Variants in HSD17B1 observed in about 807,000 individuals in gnomAD.
HSD17B1 encodes the protein 17-beta-hydroxysteroid dehydrogenase type 1.
Under a neutral mutation model 22.7 loss-of-function variants are expected in HSD17B1, and 16 were observed. The observed-to-expected ratio is 0.71, with a 90% CI of 0.48 to 1.07. The LOEUF is 1.07. Ranked by LOEUF, HSD17B1 falls within the 50% of genes least tolerant of loss-of-function variation. The pLI is 0.00. For missense variants in HSD17B1, 533 were observed against 459.9 expected (o/e 1.16, Z -1.45); for synonymous variants, 243 against 211.0 (o/e 1.15, Z -1.31).
At position 42,554,721 on chromosome 17, in the gene HSD17B1, C is replaced by T; in HGVS notation, c.770C>T (p.Thr257Ile). ...APKPTLRYFT[T>I]ERFLPLLRMR... ...AAGCCGACCCTGCGCTACTTCACCA[C>T]CGAGCGCTTCCTGCCCCTGCTGCGG... Residue 257 changes from threonine (T) to isoleucine (I), a missense_variant, in exon 6 of 6, where the codon ACC becomes ATC. Coordinates refer to ENST00000585807, the MANE Select transcript of HSD17B1 (RefSeq NM_000413.4). 1.2e-6 allele frequency: 2 copies of T among 1,603,606 alleles called. No individual in the cohort carries two copies. Among genetic ancestry groups the T allele is most frequent in the Non-Finnish European group, 8.5e-7 (1 of 1,179,746 alleles).
rs553802651 is a variant in HSD17B1 at position 42,552,977 on chromosome 17, T to C, written c.44T>C (p.Ile15Thr). The change falls in exon 1 of 6, where the codon ATC (isoleucine) becomes ACC (threonine). Residue 15 changes from isoleucine to threonine, a missense_variant. Coordinates refer to ENST00000585807, the MANE Select transcript of HSD17B1 (RefSeq NM_000413.4). ...CTCATCACCGGCTGTTCCTCGGGCA[T>C]CGGCCTGCACTTGGCCGTACGTCTG... Reference protein sequence around the residue: ...VVLITGCSSGIGLHLAVRLAS... With the variant: ...VVLITGCSSGTGLHLAVRLAS... 1.2e-6 allele frequency: 2 copies of C among 1,614,152 alleles called. No individual in the cohort carries two copies. Among genetic ancestry groups the C allele is most frequent in the South Asian group, 2.2e-5 (2 of 91,090 alleles).
intron 4 of HSD17B1, 100 bp from the exon 5 acceptor site, chr17:42,554,305 C>G: frequency 7.0e-7 from 1 of 1,434,638 alleles, no homozygotes; most frequent in Non-Finnish European, 9.2e-7. Flanking sequence ...TGCTCGCGGT[C>G]GGGGGCCGGG....
intron 4 of HSD17B1, chr17:42,554,102 CA>C (rs1567898605): frequency 6.2e-6 from 4 of 644,204 alleles, no homozygotes; most frequent in Non-Finnish European, 1.1e-5. Context: ...GGGGAAGCTC[CA>C]GCCCAGAGAG....
intron 2 of HSD17B1, 50 bp downstream of exon 2, chr17:42,553,341 G>A (rs888198337): frequency 1.2e-6 from 2 of 1,603,190 alleles, no homozygotes; most frequent in Admixed American, 1.7e-5. Context: ...TCCGCCCTGC[G>A]TTGAAACCAA....
Position 42,555,127 on chromosome 17 carries a change from G to A in HSD17B1, c.*189G>A. On this transcript the variant is annotated 3_prime_UTR_variant, in exon 6 of 6. Coordinates refer to ENST00000585807, the MANE Select transcript of HSD17B1 (RefSeq NM_000413.4). ...AGCGCTTTGGGAGGCGGAGGCAGGA[G>A]GATCGCTCAAGCCCCGGAGTTGGAG... 8.0e-7 allele frequency: 1 copy of A among 1,245,252 alleles called. No individual in the cohort carries two copies. The highest frequency in any genetic ancestry group is 1.0e-6 in the Non-Finnish European group (1 of 955,648). The allele number at this position is 1,245,252 out of a possible 1,614,324, so 77.1% of individuals were successfully genotyped here. A position where few individuals can be genotyped will look rare whatever the true frequency, so the allele number is the denominator to read the frequency against.
Position 42,554,955 on chromosome 17 carries a change from T to C in HSD17B1, c.*17T>C. On this transcript the variant is annotated 3_prime_UTR_variant, in exon 6 of 6. Coordinates refer to ENST00000585807, the MANE Select transcript of HSD17B1 (RefSeq NM_000413.4). ...CCGCAGTAAAGGCTTCCTCAGCCGCTGTCTCCCGCGCCCTTCTTTGTCCCC... is the reference window on the plus strand; with the variant it reads ...CCGCAGTAAAGGCTTCCTCAGCCGCCGTCTCCCGCGCCCTTCTTTGTCCCC... 6.9e-7 allele frequency: 1 copy of C among 1,449,266 alleles called. No individual in the cohort carries two copies. Among genetic ancestry groups the C allele is most frequent in the African/African-American group, 1.4e-5 (1 of 69,206 alleles). 89.8% of individuals were successfully genotyped at this position (1,449,266 alleles called of 1,614,324 possible). A position where few individuals can be genotyped will look rare whatever the true frequency, so the allele number is the denominator to read the frequency against.
chr17:42,554,104 G>T, intron 4 of HSD17B1: 1 of 640,854 alleles, frequency 1.6e-6, no homozygotes, highest in Non-Finnish European at 2.7e-6. Flanking sequence ...GGAAGCTCCA[G>T]CCCAGAGAGG....
At position 42,552,972 on chromosome 17, in the gene HSD17B1, G is replaced by A. The variant is rs772008738; in HGVS notation, c.39G>A (p.Ser13=). The part of the protein sequence containing the change: ...RTVVLITGCS[S]GIGLHLAVRL... ...TGGTGCTCATCACCGGCTGTTCCTC[G>A]GGCATCGGCCTGCACTTGGCCGTAC... The change falls in exon 1 of 6, where the codon TCG becomes TCA. Residue 13 remains serine, a synonymous_variant. Transcript: ENST00000585807. 7.4e-6 allele frequency: 12 copies of A among 1,613,994 alleles called. No homozygotes were observed. In the East Asian group the frequency reaches 8.9e-5, roughly 12 times the overall value.
In HSD17B1 at chr17:42,554,898, G is replaced by A; in HGVS notation, c.947G>A (p.Gly316Glu). The A allele has an allele frequency of 6.6e-7, 1 of 1,519,494 alleles. No individual in the cohort carries two copies. Among genetic ancestry groups the A allele is most frequent in the Non-Finnish European group, 8.8e-7 (1 of 1,142,762 alleles). The allele number at this position is 1,519,494 out of a possible 1,614,324, so 94.1% of individuals were successfully genotyped here. Residue 316 changes from glycine to glutamate, a missense_variant, in exon 6 of 6, where the codon GGG (glycine) becomes GAG (glutamate). Coordinates refer to ENST00000585807, the MANE Select transcript of HSD17B1 (RefSeq NM_000413.4). ...GACGAGGCCGGGCGCGGTGCGGTGG[G>A]GGACCCTGAGCTCGGCGATCCTCCG... ...AEDEAGRGAVGDPELGDPPAA... is the reference protein window; with the variant it reads ...AEDEAGRGAVEDPELGDPPAA...
rs1368539670 is a variant in HSD17B1, at chr17:42,554,797, G to A, written c.846G>A (p.Arg282=). The A allele has an allele frequency of 6.2e-7, 1 of 1,602,156 alleles. No individual in the cohort carries two copies. The highest frequency in any genetic ancestry group is 1.3e-5 in the African/African-American group (1 of 75,030). ...CCAACTACGTCACCGCCATGCACCG[G>A]GAAGTGTTCGGCGACGTTCCGGCAA... ...SGSNYVTAMH[R]EVFGDVPAKA... Residue 282 remains arginine, a synonymous_variant, in exon 6 of 6, where the codon CGG becomes CGA. Coordinates refer to ENST00000585807, the MANE Select transcript of HSD17B1 (RefSeq NM_000413.4).
In HSD17B1 at chr17:42,553,528, A is replaced by G; in HGVS notation, c.355A>G (p.Thr119Ala). ...ASVLDVNVVGTVRMLQAFLPD... is the reference protein window; with the variant it reads ...ASVLDVNVVGAVRMLQAFLPD... ...TGTGCTGGACGTGAATGTAGTAGGGACTGTGCGGATGCTGCAGGCCTTCCT... is the reference window on the plus strand; with the variant it reads ...TGTGCTGGACGTGAATGTAGTAGGGGCTGTGCGGATGCTGCAGGCCTTCCT... The change falls in exon 3 of 6, where the codon ACT (threonine) becomes GCT (alanine). Residue 119 changes from threonine (T) to alanine (A), a missense_variant. Transcript: ENST00000585807. 1 of 1,613,898 alleles carries G rather than the reference A, an allele frequency of 6.2e-7. No individual in the cohort carries two copies. Among genetic ancestry groups the G allele is most frequent in the Non-Finnish European group, 8.5e-7 (1 of 1,179,910 alleles).
rs201791531 is a variant in HSD17B1, at chr17:42,553,870, G to T, written c.522G>T (p.Leu174=). ...EGLCESLAVL[L]LPFGVHLSLI... ...TATGCGAGAGTCTGGCGGTTCTGCT[G>T]CTGCCCTTTGGGGTCCAGTGAGTCA... Residue 174 remains leucine, a synonymous_variant, in exon 4 of 6, where the codon CTG becomes CTT. Coordinates refer to ENST00000585807, the MANE Select transcript of HSD17B1 (RefSeq NM_000413.4). 231 of 1,612,836 alleles carry T rather than the reference G, an allele frequency of 1.4e-4. No individual in the cohort carries two copies. In the East Asian group the frequency reaches 5.1e-3, roughly 36 times the overall value.
chr17:42,554,926 C>T lies in HSD17B1; in HGVS notation c.975C>T (p.Ala325=). ...VGDPELGDPP[A]APQ Reference sequence around the variant, plus strand: ...ACCCTGAGCTCGGCGATCCTCCGGCCGCCCCGCAGTAAAGGCTTCCTCAGC... The same window carrying T: ...ACCCTGAGCTCGGCGATCCTCCGGCTGCCCCGCAGTAAAGGCTTCCTCAGC... Residue 325 remains alanine, a synonymous_variant, in exon 6 of 6, where the codon GCC becomes GCT. Transcript: ENST00000585807. The T allele has an allele frequency of 6.8e-7, 1 of 1,473,342 alleles. No homozygotes were observed. Among genetic ancestry groups the T allele is most frequent in the East Asian group, 2.5e-5 (1 of 39,748 alleles). The allele number at this position is 1,473,342 out of a possible 1,614,324, so 91.3% of individuals were successfully genotyped here. A position where few individuals can be genotyped will look rare whatever the true frequency, so the allele number is the denominator to read the frequency against.
intron 3 of HSD17B1, 47 bp downstream of exon 3, chr17:42,553,665 G>A (rs780046001): frequency 7.7e-5 from 123 of 1,599,612 alleles, no homozygotes; most frequent in Non-Finnish European, 1.0e-4. Flanking sequence ...CTTTGTGTGC[G>A]GAGCTGAGCC....
At position 42,553,571 on chromosome 17, in the gene HSD17B1, G is replaced by A. The variant is rs777403561; in HGVS notation, c.398G>A (p.Arg133His). Residue 133 changes from arginine to histidine, a missense_variant, in exon 3 of 6, where the codon CGC (arginine) becomes CAC (histidine). By Grantham distance (29) the Arg-to-His change is conservative (BLOSUM62 0). Coordinates refer to ENST00000585807, the MANE Select transcript of HSD17B1 (RefSeq NM_000413.4). ...LQAFLPDMKR[R>H]GSGRVLVTGS... The stretch of plus-strand genomic sequence containing the variant: ...GCCTTCCTGCCAGACATGAAGAGGC[G>A]CGGTTCGGGACGCGTGTTGGTGACC... 2 of 1,613,148 alleles carry A rather than the reference G, an allele frequency of 1.2e-6. No homozygotes were observed. The highest frequency in any genetic ancestry group is 2.2e-5 in the East Asian group (1 of 44,886).
In HSD17B1 at chr17:42,553,196, C is replaced by T. The variant is rs61738807; in HGVS notation, c.170C>T (p.Pro57Leu). ...GCGGCCCGGGCCCTGGCATGCCCTC[C>T]GGGATCCCTGGAGACGTTGCAGCTG... ...WEAARALACP[P>L]GSLETLQLDV... The change falls in exon 2 of 6, where the codon CCG becomes CTG. Residue 57 changes from proline (P) to leucine (L), a missense_variant. Physicochemically the swap from Pro to Leu is moderately conservative, Grantham distance 98 (BLOSUM62 -3). Transcript: ENST00000585807. 5.0e-6 allele frequency: 8 copies of T among 1,613,684 alleles called. No homozygotes were observed. Among genetic ancestry groups the T allele is most frequent in the East Asian group, 4.5e-5 (2 of 44,900 alleles).
At chr17:42,553,702 G>C in intron 3 of HSD17B1, 84 bp downstream of exon 3, 1 of 1,597,236 alleles carries the variant, frequency 6.3e-7, no homozygotes. Context: ...CGGGGGGGGT[G>C]GAGTGGGGTG....
At chr17:42,554,187 T>C (rs1186435055) in intron 4 of HSD17B1, 19 of 717,938 alleles carry the variant, frequency 2.6e-5, no homozygotes, top group African/African-American at 3.6e-5. Context: ...CAGGGCTCCC[T>C]TGTAGCCTCA....
At position 42,554,399 on chromosome 17, in the gene HSD17B1, C is replaced by T. The variant is rs764893933; in HGVS notation, c.540-6C>T. The T allele has an allele frequency of 1.9e-6, 3 of 1,594,434 alleles. No individual in the cohort carries two copies. The highest frequency in any genetic ancestry group is 2.6e-6 in the Non-Finnish European group (3 of 1,166,870). On this transcript the variant is annotated splice_region_variant and splice_polypyrimidine_tract_variant and intron_variant, in intron 4 of 5. Transcript: ENST00000585807. The stretch of plus-strand genomic sequence containing the variant: ...CCCCTCCCACTCGTTGCTCTCCGGC[C>T]AGCAGCTTGAGCCTGATCGAGTGCG...
Sources: allele counts gnomAD v4.1 joint callset, GRCh38; gene constraint gnomAD v4.1.1; transcripts MANE v1.5; gene names NCBI Gene and HGNC (gene_info 2026-07-23, HGNC 2026-07-21).